The following TMTC2 variants were observed in gnomAD, a reference collection of about 807,000 sequenced individuals.
The protein encoded by TMTC2 is protein O-mannosyl-transferase TMTC2.
Under a neutral mutation model 82.4 loss-of-function variants are expected in TMTC2, and 43 were observed. The ratio of observed to expected loss-of-function variants is 0.52; its 90% CI spans 0.41 to 0.67. TMTC2 has a LOEUF of 0.67. Among genes scored for constraint, TMTC2 ranks in the 30% least tolerant of loss-of-function variants. The probability of loss-of-function intolerance (pLI) is 0.00; values close to 1 mark genes in which losing one functional copy is unlikely to be tolerated. For missense variants in TMTC2, 919 were observed against 1,012.4 expected, an observed-to-expected ratio of 0.91 and a Z score of 1.25; for synonymous variants, 408 against 381.9, an observed-to-expected ratio of 1.07 and a Z score of -0.80.
chr12:83,091,677 CTG>C (rs1261452424), intron 11 of TMTC2, among the ~76,000 whole-genome samples: 1 of 152,100 alleles, frequency 6.6e-6, no homozygotes, highest in African/African-American at 2.4e-5. Context: ...TTGTCATTTT[CTG>C]TGAGACTTGA....
intron 3 of TMTC2, among the ~76,000 whole-genome samples, chr12:82,898,877 A>G (rs539201469): frequency 6.6e-6 from 1 of 152,334 alleles, no homozygotes; most frequent in South Asian, 2.1e-4. Context: ...GGAGAGGGCA[A>G]ATACTCAGAT....
At chr12:82,949,821 A>G (rs1427828212) in intron 4 of TMTC2, among the ~76,000 whole-genome samples, 1 of 152,184 alleles carries the variant, frequency 6.6e-6, no homozygotes, top group Non-Finnish European at 1.5e-5. Flanking sequence ...ACTGGCAACC[A>G]CGTCCATGAA....
chr12:83,001,266 G>C (rs140922401), intron 8 of TMTC2, among the ~76,000 whole-genome samples: 5,196 of 152,098 alleles, frequency 0.034, 318 homozygotes, highest in African/African-American at 0.12. Context: ...AAACTTTTAC[G>C]CTCTGCTTCC....
chr12:82,799,925 G>A (rs907632226), intron 1 of TMTC2, among the ~76,000 whole-genome samples: 1 of 151,972 alleles, frequency 6.6e-6, no homozygotes, highest in African/African-American at 2.4e-5. Flanking sequence ...CTTTGTCCAG[G>A]ATCCTAATCC....
At chr12:82,904,871 T>TTA (rs1874205419) in intron 3 of TMTC2, among the ~76,000 whole-genome samples, 1 of 152,160 alleles carries the variant, frequency 6.6e-6, no homozygotes, top group Admixed American at 6.6e-5. Flanking sequence ...TTACCATAGC[T>TTA]TTTAAGCCAC....
chr12:82,865,793 G>T (rs1401422110), intron 2 of TMTC2, among the ~76,000 whole-genome samples: 1 of 152,112 alleles, frequency 6.6e-6, no homozygotes, highest in Non-Finnish European at 1.5e-5. Flanking sequence ...TAAAAGAACA[G>T]AAATTATAAC....
At chr12:82,762,258 C>T (rs1044183514) in intron 1 of TMTC2, among the ~76,000 whole-genome samples, 2 of 152,106 alleles carry the variant, frequency 1.3e-5, no homozygotes, top group African/African-American at 4.8e-5. Flanking sequence ...TGAGCCACCA[C>T]GCGTGGCCGA....
chr12:82,932,483 T>G (rs1299237756), intron 4 of TMTC2, among the ~76,000 whole-genome samples: 2 of 152,220 alleles, frequency 1.3e-5, no homozygotes, highest in Non-Finnish European at 2.9e-5. Context: ...TGAATTTGTA[T>G]CTTTTTCTTT....
chr12:82,952,387 A>G (rs1877394349), intron 4 of TMTC2, among the ~76,000 whole-genome samples: 1 of 152,156 alleles, frequency 6.6e-6, no homozygotes, highest in Non-Finnish European at 1.5e-5. Context: ...TAATCTGGTT[A>G]TCACTCAAAA....
At chr12:83,081,047 C>T (rs941509461) in intron 11 of TMTC2, among the ~76,000 whole-genome samples, 2 of 152,126 alleles carry the variant, frequency 1.3e-5, no homozygotes, top group African/African-American at 4.8e-5. Context: ...AGTAAATGGG[C>T]TTATATCATG....
At chr12:82,950,296 G>A (rs979629225) in intron 4 of TMTC2, among the ~76,000 whole-genome samples, 3 of 152,058 alleles carry the variant, frequency 2.0e-5, no homozygotes, top group African/African-American at 7.2e-5. Context: ...TAAACCCCAA[G>A]TATTAATCTT....
chr12:82,852,038 A>G (rs11115460), intron 1 of TMTC2, among the ~76,000 whole-genome samples: 3,710 of 152,266 alleles, frequency 0.024, 153 homozygotes, highest in African/African-American at 0.085. Flanking sequence ...AACAAAAACA[A>G]AGAGCCACAA....
chr12:82,727,613 C>T (rs1198347567), intron 1 of TMTC2, among the ~76,000 whole-genome samples: 8 of 151,686 alleles, frequency 5.3e-5, no homozygotes, highest in Non-Finnish European at 8.8e-5. Flanking sequence ...CCCAGCTACT[C>T]GGGAGGCTGA....
At chr12:82,703,498 C>CTTT (rs539968079) in intron 1 of TMTC2, among the ~76,000 whole-genome samples, 1 of 121,664 alleles carries the variant, frequency 8.2e-6, no homozygotes, top group Non-Finnish European at 1.7e-5. Flanking sequence ...TAGTTTCTTT[C>CTTT]TTTTTTTTTT....
chr12:82,995,762 C>T (rs553246888), intron 8 of TMTC2, among the ~76,000 whole-genome samples: 1 of 152,190 alleles, frequency 6.6e-6, no homozygotes, highest in South Asian at 2.1e-4. Flanking sequence ...TGGCTCCCTC[C>T]TGTTTTCTGA....
rs552997154 is a variant in TMTC2, at chr12:83,000,360, T to G, written c.2070+14314T>G. Among the ~76,000 whole-genome samples the G allele has an allele frequency of 1.6e-3, 245 of 152,252 alleles. 1 individual carries two copies. The highest frequency in any genetic ancestry group is 3.1e-3 in the Admixed American group (48 of 15,294). Reference sequence around the variant, plus strand: ...TGTGTTAGCCAGGATGGTCTCGATCTCCTGAGCCCATGATCCGCCCTCCTC... The same window carrying G: ...TGTGTTAGCCAGGATGGTCTCGATCGCCTGAGCCCATGATCCGCCCTCCTC... On this transcript the variant is annotated intron_variant, in intron 8 of 11. Transcript: ENST00000321196.
chr12:82,812,799 CTA>C (rs1565761256), intron 1 of TMTC2, among the ~76,000 whole-genome samples: 1 of 151,764 alleles, frequency 6.6e-6, no homozygotes, highest in African/African-American at 2.4e-5. Context: ...TGATAATTAA[CTA>C]TTTTTTAATG....
At chr12:82,732,188 G>A (rs1325329302) in intron 1 of TMTC2, among the ~76,000 whole-genome samples, 5 of 152,154 alleles carry the variant, frequency 3.3e-5, no homozygotes, top group East Asian at 3.9e-4. Context: ...CTCCTGCTGC[G>A]TAATACCAAT....
chr12:82,770,373 T>C (rs1205323158), intron 1 of TMTC2, among the ~76,000 whole-genome samples: 2 of 152,150 alleles, frequency 1.3e-5, no homozygotes, highest in Non-Finnish European at 2.9e-5. Flanking sequence ...TGTTTTACTC[T>C]ATTGCAGAAA....
Sources: gnomAD v4.1 joint callset for allele counts (sites outside exome capture counted in the v4.1 genomes callset) on GRCh38, gnomAD v4.1.1 for gene constraint, MANE v1.5 for transcripts, NCBI Gene and HGNC (gene_info 2026-07-23, HGNC 2026-07-21) for gene names.